NELL1: variants seen among roughly 807,000 people sequenced by gnomAD.
NELL1 encodes the protein neural EGFL like 1.
A neutral mutation model predicts 107.4 loss-of-function variants in NELL1; 76 were observed. The ratio of observed to expected loss-of-function variants is 0.71; its 90% CI spans 0.59 to 0.86. The LOEUF is 0.86. Among genes scored for constraint, NELL1 ranks in the 40% least tolerant of loss-of-function variants. The pLI is 0.00. For missense variants in NELL1, 1,024 were observed against 1,005.5 expected, an observed-to-expected ratio of 1.02 and a Z score of -0.25; for synonymous variants, 353 against 341.2, an observed-to-expected ratio of 1.03 and a Z score of -0.38.
intron 14 of NELL1, among the ~76,000 whole-genome samples, chr11:21,247,339 A>G (rs1347529368): frequency 6.6e-6 from 1 of 152,176 alleles, no homozygotes; most frequent in Non-Finnish European, 1.5e-5. Flanking sequence ...CTGGTTTGCA[A>G]TAACACTTAG....
At chr11:21,310,570 G>C (rs1193056444) in intron 14 of NELL1, among the ~76,000 whole-genome samples, 1 of 151,874 alleles carries the variant, frequency 6.6e-6, no homozygotes, top group African/African-American at 2.4e-5. Context: ...CTAGCTCCTG[G>C]GTCAAGGAAG....
At position 21,319,100 on chromosome 11, in the gene NELL1, G is replaced by A. The variant is rs372666866; in HGVS notation, c.1550-51753G>A. ...ATTAGAATATTCTAAGTAGAGCCTC[G>A]TTTAACTACTAAGAGTGACATCTCA... On this transcript the variant is annotated intron_variant, in intron 14 of 19. Transcript: ENST00000357134. 5.9e-5 allele frequency among the ~76,000 whole-genome samples: 9 copies of A among 151,496 alleles called. No homozygotes were observed. The East Asian group carries it at 9.7e-4, about 16-fold the overall frequency.
intron 14 of NELL1, among the ~76,000 whole-genome samples, chr11:21,325,865 T>G (rs1277721423): frequency 6.6e-6 from 1 of 151,968 alleles, no homozygotes; most frequent in African/African-American, 2.4e-5. Context: ...TAGAACTTCA[T>G]ATAAATGTAA....
At chr11:21,132,575 G>A (rs11025939) in intron 13 of NELL1, among the ~76,000 whole-genome samples, 1 of 152,190 alleles carries the variant, frequency 6.6e-6, no homozygotes, top group African/African-American at 2.4e-5. Context: ...GTGTGAGGCT[G>A]CGGCTGGACC....
At chr11:20,695,306 T>C (rs1402585733) in intron 2 of NELL1, among the ~76,000 whole-genome samples, 1 of 152,062 alleles carries the variant, frequency 6.6e-6, no homozygotes, top group African/African-American at 2.4e-5. Flanking sequence ...GCCTAATTGG[T>C]CTGACTAGCA....
intron 14 of NELL1, among the ~76,000 whole-genome samples, chr11:21,301,009 C>T (rs1849480234): frequency 6.6e-6 from 1 of 152,034 alleles, no homozygotes; most frequent in Admixed American, 6.6e-5. Context: ...GGTTTTCTGT[C>T]CTTGCGATAG....
At chr11:21,555,463 G>C (rs942805952) in intron 16 of NELL1, among the ~76,000 whole-genome samples, 1 of 151,736 alleles carries the variant, frequency 6.6e-6, no homozygotes, top group East Asian at 1.9e-4. Context: ...GTAGATACTA[G>C]GAAATAAAAT....
intron 14 of NELL1, among the ~76,000 whole-genome samples, chr11:21,311,573 G>A (rs1849750673): frequency 6.6e-6 from 1 of 152,130 alleles, no homozygotes; most frequent in Admixed American, 6.6e-5. Context: ...AATAAAGTGT[G>A]ACTATTAATG....
chr11:21,276,779 C>G lies in NELL1; in HGVS notation c.1549+47325C>G, dbSNP rs548464694. On this transcript the variant is annotated intron_variant, in intron 14 of 19. Coordinates refer to ENST00000357134, the MANE Select transcript of NELL1 (RefSeq NM_006157.5). ...ACCATCTGATCTTTGACAAACCTGA[C>G]AAAAACAAGCAATGGGGAAAGGATT... 4.6e-3 allele frequency among the ~76,000 whole-genome samples: 694 copies of G among 152,252 alleles called. 3 individuals carry two copies. Among genetic ancestry groups the G allele is most frequent in the Non-Finnish European group, 6.2e-3 (425 of 68,020 alleles).
chr11:21,190,337 G>C (rs1857022981), intron 13 of NELL1, among the ~76,000 whole-genome samples: 1 of 151,842 alleles, frequency 6.6e-6, no homozygotes, highest in South Asian at 2.1e-4. Context: ...GGGCGATAGA[G>C]TGAGACTCTG....
At chr11:21,107,838 A>T (rs543427303) in intron 12 of NELL1, among the ~76,000 whole-genome samples, 1 of 152,324 alleles carries the variant, frequency 6.6e-6, no homozygotes, top group East Asian at 1.9e-4. Flanking sequence ...AGGTCTTGAG[A>T]AGAAAAGTGA....
chr11:20,691,998 C>T (rs1464129729), intron 2 of NELL1, among the ~76,000 whole-genome samples: 1 of 152,006 alleles, frequency 6.6e-6, no homozygotes, highest in African/African-American at 2.4e-5. Flanking sequence ...CAACTTCTTC[C>T]TGGTTTAGTC....
chr11:21,177,365 G>A (rs933451766), intron 13 of NELL1, among the ~76,000 whole-genome samples: 2 of 151,638 alleles, frequency 1.3e-5, no homozygotes, highest in Non-Finnish European at 2.9e-5. Context: ...TGCAGTATTT[G>A]CCTTTAGGTG....
chr11:21,262,368 T>C (rs1848551357), intron 14 of NELL1, among the ~76,000 whole-genome samples: 1 of 151,824 alleles, frequency 6.6e-6, no homozygotes, highest in African/African-American at 2.4e-5. Flanking sequence ...AGTTGACCGC[T>C]CTGGCTTGGT....
At chr11:20,826,698 A>G (rs1041318834) in intron 3 of NELL1, among the ~76,000 whole-genome samples, 1 of 151,186 alleles carries the variant, frequency 6.6e-6, no homozygotes, top group Non-Finnish European at 1.5e-5. Flanking sequence ...GCTGACCTAT[A>G]GAAGCTGGCC....
At chr11:21,037,376 C>G (rs1853121424) in intron 12 of NELL1, among the ~76,000 whole-genome samples, 1 of 152,102 alleles carries the variant, frequency 6.6e-6, no homozygotes, top group African/African-American at 2.4e-5. Flanking sequence ...CTATCTCACT[C>G]TACACAAATA....
At chr11:20,944,488 G>T (rs368769672) in intron 10 of NELL1, among the ~76,000 whole-genome samples, 5 of 152,240 alleles carry the variant, frequency 3.3e-5, no homozygotes, top group African/African-American at 9.6e-5. Flanking sequence ...GTGCACAATG[G>T]TTAGTACAGA....
At chr11:21,128,113 T>A (rs1392057946) in intron 13 of NELL1, among the ~76,000 whole-genome samples, 2 of 152,166 alleles carry the variant, frequency 1.3e-5, no homozygotes, top group African/African-American at 4.8e-5. Flanking sequence ...GTCTGATGTT[T>A]TCTATTTAGG....
chr11:21,310,349 A>G (rs189320855), intron 14 of NELL1, among the ~76,000 whole-genome samples: 1 of 152,222 alleles, frequency 6.6e-6, no homozygotes, highest in African/African-American at 2.4e-5. Flanking sequence ...ATTTAGTGCT[A>G]TGCAAGGAGT....
Sources: gnomAD v4.1 joint callset for allele counts (sites outside exome capture counted in the v4.1 genomes callset) on GRCh38, gnomAD v4.1.1 for gene constraint, MANE v1.5 for transcripts, NCBI Gene and HGNC (gene_info 2026-07-23, HGNC 2026-07-21) for gene names.